Variants in NSUN2 observed in about 807,000 individuals in gnomAD.
NSUN2 encodes RNA cytosine C(5)-methyltransferase NSUN2.
In NSUN2, 63 loss-of-function variants were observed where a neutral mutation model predicts 92.7. The ratio of observed to expected loss-of-function variants is 0.68; its 90% CI spans 0.56 to 0.84. The LOEUF is 0.84. Among genes scored for constraint, NSUN2 ranks in the 40% least tolerant of loss-of-function variants. NSUN2 has a pLI of 0.00. For synonymous variants in NSUN2, 356 were observed against 348.3 expected (o/e 1.02, Z -0.25); for missense variants, 989 against 964.9 (o/e 1.02, Z -0.33).
rs200173456 is a variant in NSUN2 at position 6,606,848 on chromosome 5, C to T, written c.1573G>A (p.Glu525Lys). The T allele has an allele frequency of 8.2e-6, 13 of 1,593,518 alleles. No homozygotes were observed. The highest frequency in any genetic ancestry group is 1.1e-5 in the Non-Finnish European group (13 of 1,162,222). Residue 525 changes from glutamate to lysine, a missense_variant, in exon 14 of 19, where the codon GAA becomes AAA. Physicochemically the swap from Glu to Lys is moderately conservative, Grantham distance 56. Around this residue, in one of 3 missense-constraint regions of NSUN2, gnomAD observed 626 missense variants for 602.3 expected, o/e 1.04. Coordinates refer to ENST00000264670, the MANE Select transcript of NSUN2 (RefSeq NM_017755.6). ...ATAGGTGGAAATAATGGGTCATCTTCAGGAATAAATACAAATGGATCTTCT... is the reference window on the plus strand; with the variant it reads ...ATAGGTGGAAATAATGGGTCATCTTTAGGAATAAATACAAATGGATCTTCT... ...FKEDPFVFIP[E>K]DDPLFPPIEK...
chr5:6,610,860 G>T, intron 11 of NSUN2, 95 bp downstream of exon 11: 2 of 1,448,466 alleles, frequency 1.4e-6, no homozygotes, highest in Non-Finnish European at 1.9e-6. Flanking sequence ...AATGTCACCT[G>T]CTGCCTCCAA....
intron 3 of NSUN2, among the ~76,000 whole-genome samples, chr5:6,629,529 T>C (rs1737785952): frequency 6.6e-6 from 1 of 152,226 alleles, no homozygotes; most frequent in South Asian, 2.1e-4. Flanking sequence ...TTATCCCGTC[T>C]CTGCGCTTCT....
chr5:6,610,776 C>A (rs905641084), intron 11 of NSUN2, among the ~76,000 whole-genome samples, 179 bp downstream of exon 11: 1 of 151,976 alleles, frequency 6.6e-6, no homozygotes, highest in Non-Finnish European at 1.5e-5. Flanking sequence ...ATGCCAGCAA[C>A]AGGCACAAGA....
rs1261501350 is a variant in NSUN2, at chr5:6,599,516, C to A, written c.*410G>T. 9 of 160,186 alleles carry A rather than the reference C, an allele frequency of 5.6e-5. No individual in the cohort carries two copies. Among genetic ancestry groups the A allele is most frequent in the African/African-American group, 2.2e-4 (9 of 41,528 alleles). 9.9% of individuals were successfully genotyped at this position (160,186 alleles called of 1,614,324 possible). A position where few individuals can be genotyped will look rare whatever the true frequency, so the allele number is the denominator to read the frequency against. On this transcript the variant is annotated 3_prime_UTR_variant, in exon 19 of 19. Coordinates refer to ENST00000264670, the MANE Select transcript of NSUN2 (RefSeq NM_017755.6). ...TATTAAAGCTTATAACACACTTCCC[C>A]AAGAATTTATAGATTCTTTCTATAA...
In NSUN2 at chr5:6,599,377, T is replaced by G. The variant is rs1736450138; in HGVS notation, c.*549A>C. The G allele has an allele frequency of 6.6e-6, 1 of 152,222 alleles. No homozygotes were observed. 9.4% of individuals were successfully genotyped at this position (152,222 alleles called of 1,614,324 possible). ...TGACAATTCACGATACAGCTCTTAC[T>G]CTGGGAGAGTTTATTTTACCCTTTA... On this transcript the variant is annotated 3_prime_UTR_variant, in exon 19 of 19. Coordinates refer to ENST00000264670, the MANE Select transcript of NSUN2 (RefSeq NM_017755.6).
intron 9 of NSUN2, among the ~76,000 whole-genome samples, chr5:6,613,933 C>T (rs1339422568): frequency 6.6e-6 from 1 of 151,838 alleles, no homozygotes; most frequent in Admixed American, 6.6e-5. Flanking sequence ...CCCGTCTCTA[C>T]TAAAAATACA....
At chr5:6,606,288 CTTTTGTTTTT>C (rs1351892552) in intron 14 of NSUN2, among the ~76,000 whole-genome samples, 1 of 152,020 alleles carries the variant, frequency 6.6e-6, no homozygotes, top group Non-Finnish European at 1.5e-5. Context: ...GTCCAGTTTT[CTTTTGTTTTT>C]TTTGAGACGG....
At chr5:6,605,507 A>C in intron 14 of NSUN2, 99 bp from the exon 15 acceptor site, 1 of 1,324,164 alleles carries the variant, frequency 7.6e-7, no homozygotes, top group Non-Finnish European at 1.1e-6. Context: ...CAATCCCCAA[A>C]ACTGCAGTGT....
At position 6,600,169 on chromosome 5, in the gene NSUN2, T is replaced by G; in HGVS notation, c.2061A>C (p.Arg687=). 2 of 1,614,182 alleles carry G rather than the reference T, an allele frequency of 1.2e-6. No individual in the cohort carries two copies. The highest frequency in any genetic ancestry group is 8.5e-7 in the Non-Finnish European group (1 of 1,180,020). The change falls in exon 19 of 19, where the codon CGA becomes CGC. Residue 687 remains arginine, a synonymous_variant. Coordinates refer to ENST00000264670, the MANE Select transcript of NSUN2 (RefSeq NM_017755.6). ...GCCGTTCATTCTTGGGCACAAAAGT[T>G]CGAATGGAGGCCTTTCCCCGCCATC... The part of the protein sequence containing the change: ...LCGWRGKASI[R]TFVPKNERLH...
intron 3 of NSUN2, 114 bp downstream of exon 3, chr5:6,631,759 T>C (rs1737907736): frequency 1.3e-6 from 1 of 763,196 alleles, no homozygotes; most frequent in Admixed American, 2.3e-5. Context: ...ATTAGGATGT[T>C]TGCAAAGTAT....
In NSUN2 at chr5:6,632,916, C is replaced by T. The variant is rs1234676428; in HGVS notation, c.64G>A (p.Gly22Ser). ...CCGCGCTTTCCACCACCCTCGGCGC[C>T]ATCCTCCGCGTCCTCCGGCCGCTGC... ...QQQRPEDAEDGAEGGGKRGEA... is the reference protein window; with the variant it reads ...QQQRPEDAEDSAEGGGKRGEA... The change falls in exon 1 of 19, where the codon GGC becomes AGC. Residue 22 changes from glycine to serine, a missense_variant. By Grantham distance (56) the Gly-to-Ser change is moderately conservative. Coordinates refer to ENST00000264670, the MANE Select transcript of NSUN2 (RefSeq NM_017755.6). The T allele has an allele frequency of 2.6e-6, 4 of 1,521,332 alleles. No homozygotes were observed. In the Admixed American group the frequency reaches 8.0e-5, roughly 31 times the overall value. 94.2% of individuals were successfully genotyped at this position (1,521,332 alleles called of 1,614,324 possible). A position where few individuals can be genotyped will look rare whatever the true frequency, so the allele number is the denominator to read the frequency against.
chr5:6,632,774 C>G lies in NSUN2; in HGVS notation c.97-18G>C. The G allele has an allele frequency of 6.2e-7, 1 of 1,610,104 alleles. No homozygotes were observed. Among genetic ancestry groups the G allele is most frequent in the East Asian group, 2.2e-5 (1 of 44,664 alleles). On this transcript the variant is annotated intron_variant, in intron 1 of 18. Coordinates refer to ENST00000264670, the MANE Select transcript of NSUN2 (RefSeq NM_017755.6). ...TCCCAGCCCTGAGGAAGGAAAGAGA[C>G]GTCTACCCCGAGGCCCAAGGAGCCG...
At chr5:6,613,836 C>G (rs1211777126) in intron 9 of NSUN2, among the ~76,000 whole-genome samples, 1 of 152,150 alleles carries the variant, frequency 6.6e-6, no homozygotes, top group Non-Finnish European at 1.5e-5. Context: ...GTGGCTCACA[C>G]CTGTAATCCC....
intron 13 of NSUN2, 47 bp from the exon 14 acceptor site, chr5:6,606,959 A>T: frequency 8.7e-7 from 1 of 1,152,192 alleles, no homozygotes; most frequent in Non-Finnish European, 1.3e-6. Flanking sequence ...AATGTGTGGT[A>T]ACCTTCAATA....
intron 3 of NSUN2, among the ~76,000 whole-genome samples, chr5:6,628,222 C>T (rs578098020): frequency 6.6e-6 from 1 of 152,218 alleles, no homozygotes; most frequent in Non-Finnish European, 1.5e-5. Flanking sequence ...GTGATGGGGG[C>T]ATGTAATCCC....
intron 7 of NSUN2, among the ~76,000 whole-genome samples, chr5:6,618,646 C>T (rs1207269795): frequency 1.3e-5 from 2 of 152,046 alleles, no homozygotes; most frequent in Non-Finnish European, 2.9e-5. Flanking sequence ...AATATAATAG[C>T]TAAATTTTTC....
In NSUN2 at chr5:6,632,716, T is replaced by C. The variant is rs140230587; in HGVS notation, c.137A>G (p.Lys46Arg). ...CTCCTGGTAGTAGTGCTCGAACAGC[T>C]TGTTCTCCTTGACGATCTCGGGGTA... Reference protein sequence around the residue: ...GGYPEIVKENKLFEHYYQELK... With the variant: ...GGYPEIVKENRLFEHYYQELK... The change falls in exon 2 of 19, where the codon AAG (lysine) becomes AGG (arginine). Residue 46 changes from lysine (K) to arginine (R), a missense_variant. Transcript: ENST00000264670. 126 of 1,613,942 alleles carry C rather than the reference T, an allele frequency of 7.8e-5. No homozygotes were observed. Among genetic ancestry groups the C allele is most frequent in the Admixed American group, 1.3e-4 (8 of 60,006 alleles).
At position 6,607,134 on chromosome 5, in the gene NSUN2, C is replaced by T. The variant is rs1292254136; in HGVS notation, c.1508+66G>A. The T allele has an allele frequency of 2.6e-6, 4 of 1,522,402 alleles. No individual in the cohort carries two copies. The Admixed American group carries it at 5.1e-5, about 19-fold the overall frequency. 94.3% of individuals were successfully genotyped at this position (1,522,402 alleles called of 1,614,324 possible). A position where few individuals can be genotyped will look rare whatever the true frequency, so the allele number is the denominator to read the frequency against. On this transcript the variant is annotated intron_variant, in intron 13 of 18. Transcript: ENST00000264670. Reference sequence around the variant, plus strand: ...CCGACCAAGAAGTGGCTCTGGGATCCCATTTAATCCAAAAGGACTGTGAAG... The same window carrying T: ...CCGACCAAGAAGTGGCTCTGGGATCTCATTTAATCCAAAAGGACTGTGAAG...
chr5:6,615,781 G>C (rs1174939133), intron 9 of NSUN2, among the ~76,000 whole-genome samples: 4 of 152,232 alleles, frequency 2.6e-5, no homozygotes, highest in Non-Finnish European at 1.5e-5. Context: ...TGCTAAGTTT[G>C]AAATTTCTCA....
Sources: allele counts gnomAD v4.1 joint callset (sites outside exome capture counted in the v4.1 genomes callset), GRCh38; gene constraint gnomAD v4.1.1; regional missense constraint gnomAD v4.1.1; transcripts MANE v1.5; gene names NCBI Gene and HGNC (gene_info 2026-07-23, HGNC 2026-07-21).